PTPRD: variants seen among roughly 807,000 people sequenced by gnomAD.
PTPRD encodes the protein receptor-type tyrosine-protein phosphatase delta.
PTPRD carries 34 observed loss-of-function variants against 214.5 expected under a neutral mutation model. That is an observed-to-expected ratio of 0.16 (90% CI 0.12 to 0.21). The LOEUF is 0.21. Among genes scored for constraint, PTPRD ranks in the 10% least tolerant of loss-of-function variants. The probability of loss-of-function intolerance (pLI) is 1.00; values close to 1 mark genes in which losing one functional copy is unlikely to be tolerated. For missense variants in PTPRD, 2,545 were observed against 2,398.7 expected, an observed-to-expected ratio of 1.06 and a Z score of -1.27; for synonymous variants, 1,128 against 845.7, an observed-to-expected ratio of 1.33 and a Z score of -5.79.
chr9:9,339,194 G>A (rs1198907039), intron 9 of PTPRD, among the ~76,000 whole-genome samples: 1 of 151,986 alleles, frequency 6.6e-6, no homozygotes, highest in East Asian at 1.9e-4. Flanking sequence ...AGCTAGGTGA[G>A]AGGCTAGGCG....
At chr9:8,892,643 A>ATG (rs1415942170) in intron 11 of PTPRD, among the ~76,000 whole-genome samples, 25 of 147,600 alleles carry the variant, frequency 1.7e-4, no homozygotes, top group Non-Finnish European at 2.1e-4. Context: ...GTGTATATAT[A>ATG]TGTGTATATA....
chr9:10,339,296 T>C (rs538514736), intron 3 of PTPRD, among the ~76,000 whole-genome samples: 2 of 151,918 alleles, frequency 1.3e-5, no homozygotes, highest in African/African-American at 4.8e-5. Context: ...CATAAAGGCT[T>C]TTTCATTGTT....
At chr9:9,812,058 A>C (rs1046060726) in intron 5 of PTPRD, among the ~76,000 whole-genome samples, 6 of 152,218 alleles carry the variant, frequency 3.9e-5, no homozygotes, top group Non-Finnish European at 7.3e-5. Context: ...TCATAAGCAA[A>C]AAGATTACAA....
chr9:8,698,867 T>C (rs2097998687), intron 12 of PTPRD, among the ~76,000 whole-genome samples: 1 of 152,126 alleles, frequency 6.6e-6, no homozygotes, highest in Admixed American at 6.6e-5. Context: ...ATAAATACCT[T>C]CTCACTGTTC....
intron 2 of PTPRD, among the ~76,000 whole-genome samples, chr9:10,456,628 G>A (rs113623966): frequency 2.0e-5 from 3 of 152,000 alleles, no homozygotes; most frequent in African/African-American, 7.2e-5. Context: ...CAGTAAGGCA[G>A]GCTTTGATGC....
chr9:9,357,124 T>A (rs1261908603), intron 9 of PTPRD, among the ~76,000 whole-genome samples: 1 of 151,338 alleles, frequency 6.6e-6, no homozygotes, highest in African/African-American at 2.4e-5. Context: ...TAGAGAGCTT[T>A]GGAATTAAGA....
chr9:10,365,810 T>A (rs1029493088), intron 2 of PTPRD, among the ~76,000 whole-genome samples: 2 of 152,190 alleles, frequency 1.3e-5, no homozygotes, highest in African/African-American at 2.4e-5. Context: ...TAATAGGGCA[T>A]TTTATCTCCC....
Position 9,771,936 on chromosome 9 carries a change from G to A in PTPRD, c.-367-5085C>T, listed in dbSNP as rs187013489. 4.4e-3 allele frequency among the ~76,000 whole-genome samples: 666 copies of A among 152,186 alleles called. 6 individuals are homozygous for A. The highest frequency in any genetic ancestry group is 0.017 in the Middle Eastern group (5 of 294). Reference sequence around the variant, plus strand: ...TGCCATAATAATTAGTGAATAAACAGATAAGCATCATTGTTTATTTGTATT... The same window carrying A: ...TGCCATAATAATTAGTGAATAAACAAATAAGCATCATTGTTTATTTGTATT... On this transcript the variant is annotated intron_variant, in intron 5 of 45. Transcript: ENST00000381196.
At chr9:10,394,852 A>G (rs1389461221) in intron 2 of PTPRD, among the ~76,000 whole-genome samples, 2 of 151,910 alleles carry the variant, frequency 1.3e-5, no homozygotes, top group African/African-American at 4.8e-5. Flanking sequence ...TATTTTAGGT[A>G]CCAAGATGGT....
chr9:8,942,397 G>C (rs2099039546), intron 11 of PTPRD, among the ~76,000 whole-genome samples: 1 of 152,166 alleles, frequency 6.6e-6, no homozygotes, highest in South Asian at 2.1e-4. Flanking sequence ...TCACCTCGTA[G>C]TTGACATGGC....
intron 3 of PTPRD, among the ~76,000 whole-genome samples, chr9:10,279,364 G>C (rs1466750834): frequency 6.6e-6 from 1 of 152,112 alleles, no homozygotes; most frequent in Non-Finnish European, 1.5e-5. Context: ...AAACAGAACA[G>C]AAATGCATGA....
chr9:9,777,460 C>T (rs539580732), intron 5 of PTPRD, among the ~76,000 whole-genome samples: 4 of 151,896 alleles, frequency 2.6e-5, no homozygotes, highest in African/African-American at 9.7e-5. Context: ...TTTGGGAGGC[C>T]GAGGTAGGTG....
intron 10 of PTPRD, among the ~76,000 whole-genome samples, chr9:9,093,882 G>T (rs1294292463): frequency 6.6e-6 from 1 of 151,272 alleles, no homozygotes; most frequent in African/African-American, 2.4e-5. Flanking sequence ...ACAAAAAACA[G>T]TTCTATAAAA....
intron 2 of PTPRD, among the ~76,000 whole-genome samples, chr9:10,384,131 T>C (rs763832694): frequency 6.6e-5 from 10 of 150,520 alleles, no homozygotes; most frequent in South Asian, 2.1e-4. Flanking sequence ...AGGGTGACTA[T>C]AGTCAATAAT....
chr9:8,662,307 C>T (rs1443053108), intron 12 of PTPRD, among the ~76,000 whole-genome samples: 2 of 149,748 alleles, frequency 1.3e-5, no homozygotes, highest in East Asian at 4.5e-4. Flanking sequence ...TGTTGGAAAA[C>T]AAACAAACAA....
At position 9,746,820 on chromosome 9, in the gene PTPRD, T is replaced by G. The variant is rs1301582564; in HGVS notation, c.-325-12249A>C. On this transcript the variant is annotated intron_variant, in intron 6 of 45. Coordinates refer to ENST00000381196, the MANE Select transcript of PTPRD (RefSeq NM_002839.4). ...AGACAAGATGTGCTTGAAAAGTTTT[T>G]TTTTTTTTTTTTTGGCAGATGCAGT... Among the ~76,000 whole-genome samples, 16 of 151,888 alleles carry G rather than the reference T, an allele frequency of 1.1e-4. 1 individual carries two copies. Among genetic ancestry groups the G allele is most frequent in the Admixed American group, 7.9e-4 (12 of 15,232 alleles).
chr9:10,119,405 A>G (rs2098757212), intron 3 of PTPRD, among the ~76,000 whole-genome samples: 1 of 152,026 alleles, frequency 6.6e-6, no homozygotes, highest in Non-Finnish European at 1.5e-5. Flanking sequence ...TTTTAAAAGG[A>G]TATCATGCAT....
chr9:9,434,158 G>A (rs1483290745), intron 8 of PTPRD, among the ~76,000 whole-genome samples: 1 of 152,054 alleles, frequency 6.6e-6, no homozygotes, highest in Non-Finnish European at 1.5e-5. Flanking sequence ...AGTAAAAACT[G>A]AATCAATGAA....
At chr9:8,383,833 A>G (rs2086012859) in intron 37 of PTPRD, among the ~76,000 whole-genome samples, 1 of 152,194 alleles carries the variant, frequency 6.6e-6, no homozygotes, top group African/African-American at 2.4e-5. Flanking sequence ...AGTCTCTACT[A>G]TGGGCAAGGA....
Sources: gnomAD v4.1 joint callset for allele counts (sites outside exome capture counted in the v4.1 genomes callset) on GRCh38, gnomAD v4.1.1 for gene constraint, MANE v1.5 for transcripts, NCBI Gene and HGNC (gene_info 2026-07-23, HGNC 2026-07-21) for gene names.